The following GASK1A variants were observed in gnomAD, a reference collection of about 807,000 sequenced individuals.
GASK1A encodes the protein golgi associated kinase 1A, also known as Golgi-associated kinase 1A.
A neutral mutation model predicts 41.2 loss-of-function variants in GASK1A; 40 were observed. That is an observed-to-expected ratio of 0.97 (90% CI 0.75 to 1.27). The LOEUF (loss-of-function observed/expected upper bound fraction) is 1.27. Among genes scored for constraint, GASK1A ranks in the 50% most tolerant of loss-of-function variants. The probability of loss-of-function intolerance (pLI) is 0.00; values close to 1 mark genes in which losing one functional copy is unlikely to be tolerated. For synonymous variants in GASK1A, 316 were observed against 307.1 expected (o/e 1.03, Z -0.30); for missense variants, 678 against 745.1 (o/e 0.91, Z 1.05).
At chr3:43,052,743 C>T (rs1323299483) in intron 2 of GASK1A, among the ~76,000 whole-genome samples, 4 of 152,212 alleles carry the variant, frequency 2.6e-5, no homozygotes, top group Non-Finnish European at 5.9e-5. Context: ...CCACTTCTTG[C>T]TTGTATGCCT....
At chr3:43,045,067 G>C (rs1371341446) in intron 2 of GASK1A, among the ~76,000 whole-genome samples, 1 of 152,180 alleles carries the variant, frequency 6.6e-6, no homozygotes, top group African/African-American at 2.4e-5. Flanking sequence ...GGTGTAGAAA[G>C]GTAGCGGTGC....
At chr3:43,011,726 C>G (rs149490434) in intron 1 of GASK1A, among the ~76,000 whole-genome samples, 1 of 146,866 alleles carries the variant, frequency 6.8e-6, no homozygotes, top group Non-Finnish European at 1.5e-5. Flanking sequence ...AAAGGGGCTA[C>G]GTGACATCAC....
At chr3:42,997,837 G>A (rs924162096) in intron 1 of GASK1A, among the ~76,000 whole-genome samples, 18 of 152,196 alleles carry the variant, frequency 1.2e-4, no homozygotes, top group Non-Finnish European at 1.8e-4. Context: ...ACAGCAGTAC[G>A]GAGGGAGGAA....
intron 1 of GASK1A, among the ~76,000 whole-genome samples, chr3:43,013,121 G>A (rs1164577254): frequency 6.7e-6 from 1 of 148,308 alleles, no homozygotes; most frequent in African/African-American, 2.5e-5. Context: ...AGTGTGTGAA[G>A]CCACTGAAAG....
intron 3 of GASK1A, chr3:43,053,888 C>T: frequency 1.7e-6 from 1 of 590,556 alleles, no homozygotes; most frequent in Non-Finnish European, 3.1e-6. Flanking sequence ...CTTGTTTTCA[C>T]TGTCTCCACT....
In GASK1A at chr3:43,053,526, C is replaced by G; in HGVS notation, c.1296C>G (p.His432Gln). 1.9e-6 allele frequency: 3 copies of G among 1,547,254 alleles called. No individual in the cohort carries two copies. In the South Asian group the frequency reaches 3.6e-5, roughly 19 times the overall value. ...LALFDFLLQV[H>Q]DRLDRYCCGF... is the part of the protein sequence containing the mutation. ...AAGGCTGGGTGTCTCCACAGGTCCA[C>G]GACCGCTTGGATCGCTACTGCTGTG... The change falls in exon 3 of 5, where the codon CAC becomes CAG. Residue 432 changes from histidine to glutamine, a missense_variant. By Grantham distance (24) the His-to-Gln change is conservative (BLOSUM62 0). Coordinates refer to ENST00000430121, the MANE Select transcript of GASK1A (RefSeq NM_001129908.3).
chr3:43,037,464 T>C lies in GASK1A; in HGVS notation c.1290+3911T>C, dbSNP rs1355509583. 5.8e-6 allele frequency: 4 copies of C among 693,082 alleles called. No homozygotes were observed. The East Asian group carries it at 1.0e-4, about 18-fold the overall frequency. The allele number at this position is 693,082 out of a possible 1,614,324, so 42.9% of individuals were successfully genotyped here. On this transcript the variant is annotated intron_variant, in intron 2 of 4. Coordinates refer to ENST00000430121, the MANE Select transcript of GASK1A (RefSeq NM_001129908.3). The stretch of plus-strand genomic sequence containing the variant: ...TAAAGAAGAGTAAACTTACTTTTTA[T>C]AGAGAGTGAAGGATGCTGGAAGGGT...
At chr3:42,994,319 AG>A (rs1211128819) in intron 1 of GASK1A, among the ~76,000 whole-genome samples, 6 of 152,150 alleles carry the variant, frequency 3.9e-5, no homozygotes, top group Non-Finnish European at 7.4e-5. Context: ...GCCTGGGCAG[AG>A]GACAACACCA....
rs564287056 is a variant in GASK1A, at chr3:42,990,036, T to A, written c.3+10391T>A. Among the ~76,000 whole-genome samples, 59 of 151,940 alleles carry A rather than the reference T, an allele frequency of 3.9e-4. No individual in the cohort carries two copies. In the Middle Eastern group the frequency reaches 0.01, roughly 26 times the overall value. On this transcript the variant is annotated intron_variant, in intron 1 of 4. Coordinates refer to ENST00000430121, the MANE Select transcript of GASK1A (RefSeq NM_001129908.3). Reference sequence around the variant, plus strand: ...GCTGGGAGGTCTGCATGGTCAAGAGTCCCTGTGCAGGGCCAGGTGTGGTGG... The same window carrying A: ...GCTGGGAGGTCTGCATGGTCAAGAGACCCTGTGCAGGGCCAGGTGTGGTGG...
chr3:43,016,626 G>T (rs2089492778), intron 1 of GASK1A, among the ~76,000 whole-genome samples: 1 of 151,730 alleles, frequency 6.6e-6, no homozygotes, highest in Non-Finnish European at 1.5e-5. Flanking sequence ...GAAGCCACTG[G>T]AATGGGCCAT....
chr3:43,057,351 C>T lies in GASK1A; in HGVS notation c.*965C>T, dbSNP rs929671663. 4.6e-5 allele frequency: 7 copies of T among 152,180 alleles called. No homozygotes were observed. Among genetic ancestry groups the T allele is most frequent in the African/African-American group, 1.7e-4 (7 of 41,454 alleles). 9.4% of individuals were successfully genotyped at this position (152,180 alleles called of 1,614,324 possible). Reference sequence around the variant, plus strand: ...TTCTGGGGCAAAGGGTATGGGCATTCAGTATTCTGAGAGAAACTGCCAAAT... The same window carrying T: ...TTCTGGGGCAAAGGGTATGGGCATTTAGTATTCTGAGAGAAACTGCCAAAT... On this transcript the variant is annotated 3_prime_UTR_variant, in exon 5 of 5. Coordinates refer to ENST00000430121, the MANE Select transcript of GASK1A (RefSeq NM_001129908.3).
chr3:42,980,249 C>CT (rs969393195), intron 1 of GASK1A, among the ~76,000 whole-genome samples: 6 of 152,266 alleles, frequency 3.9e-5, no homozygotes, highest in African/African-American at 1.2e-4. Context: ...AAACCAGGAT[C>CT]TTGTGGACGT....
intron 2 of GASK1A, among the ~76,000 whole-genome samples, chr3:43,051,870 C>A (rs534962325): frequency 6.6e-6 from 1 of 152,288 alleles, no homozygotes; most frequent in East Asian, 1.9e-4. Context: ...TTTCCAGGTT[C>A]CCAGGCTGAT....
At chr3:43,032,178 A>G in intron 1 of GASK1A, 89 bp from the exon 2 acceptor site, 1 of 1,026,302 alleles carries the variant, frequency 9.7e-7, no homozygotes, top group Non-Finnish European at 1.4e-6. Flanking sequence ...TGAACTGAGC[A>G]CCTCATTTGC....
At chr3:43,040,841 C>T (rs954667664) in intron 2 of GASK1A, among the ~76,000 whole-genome samples, 1 of 144,674 alleles carries the variant, frequency 6.9e-6, no homozygotes, top group African/African-American at 2.5e-5. Context: ...ACTAACTTGT[C>T]ATCTAGCGTT....
At chr3:43,046,520 CTTATAA>C (rs1463370593) in intron 2 of GASK1A, among the ~76,000 whole-genome samples, 2 of 152,132 alleles carry the variant, frequency 1.3e-5, no homozygotes, top group African/African-American at 2.4e-5. Flanking sequence ...GGAATTGGAA[CTTATAA>C]TTAAGATGGA....
intron 2 of GASK1A, among the ~76,000 whole-genome samples, chr3:43,047,846 A>C (rs1347834629): frequency 6.6e-6 from 1 of 152,204 alleles, no homozygotes; most frequent in African/African-American, 2.4e-5. Flanking sequence ...GCCCTTCCTC[A>C]AGACTTCCTT....
intron 1 of GASK1A, among the ~76,000 whole-genome samples, chr3:42,986,295 A>G (rs1221808019): frequency 2.0e-5 from 3 of 152,206 alleles, no homozygotes; most frequent in Non-Finnish European, 4.4e-5. Context: ...TGGAAAACAG[A>G]TCAGCGGTTG....
chr3:43,037,285 T>C (rs1428426158), intron 2 of GASK1A: 20 of 892,372 alleles, frequency 2.2e-5, no homozygotes. Flanking sequence ...ACTCCCCAGA[T>C]GAACGGGACC....
Sources: gnomAD v4.1 joint callset for allele counts (sites outside exome capture counted in the v4.1 genomes callset) on GRCh38, gnomAD v4.1.1 for gene constraint, MANE v1.5 for transcripts, NCBI Gene and HGNC (gene_info 2026-07-23, HGNC 2026-07-21) for gene names.